The following ADAMTS12 variants were observed in gnomAD, a reference collection of about 807,000 sequenced individuals.
The protein encoded by ADAMTS12 is A disintegrin and metalloproteinase with thrombospondin motifs 12.
Under a neutral mutation model 167.8 loss-of-function variants are expected in ADAMTS12, and 118 were observed. The observed-to-expected ratio is 0.70, with a 90% CI of 0.61 to 0.82. ADAMTS12 has a LOEUF of 0.82. Among genes scored for constraint, ADAMTS12 ranks in the 40% least tolerant of loss-of-function variants. ADAMTS12 has a pLI of 0.00. For missense variants in ADAMTS12, 1,916 were observed against 1,998.8 expected (o/e 0.96, Z 0.79); for synonymous variants, 704 against 716.9 (o/e 0.98, Z 0.29).
chr5:33,711,266 T>C (rs1343094398), intron 3 of ADAMTS12, among the ~76,000 whole-genome samples: 1 of 152,144 alleles, frequency 6.6e-6, no homozygotes, highest in Admixed American at 6.6e-5. Context: ...CAAATTAACA[T>C]GGTGCTTTCC....
intron 3 of ADAMTS12, among the ~76,000 whole-genome samples, chr5:33,724,608 G>A (rs1308806831): frequency 6.6e-6 from 1 of 150,578 alleles, no homozygotes; most frequent in Non-Finnish European, 1.5e-5. Context: ...TTGGACTGCA[G>A]CGGCGCTATC....
intron 17 of ADAMTS12, among the ~76,000 whole-genome samples, chr5:33,590,012 T>G (rs1327363302): frequency 6.6e-6 from 1 of 152,222 alleles, no homozygotes; most frequent in East Asian, 1.9e-4. Context: ...CTTTGGTGTT[T>G]AACATCAGTG....
intron 2 of ADAMTS12, among the ~76,000 whole-genome samples, chr5:33,775,363 A>G (rs1343346708): frequency 6.6e-6 from 1 of 152,210 alleles, no homozygotes; most frequent in Non-Finnish European, 1.5e-5. Flanking sequence ...GAGAAAGCTC[A>G]GAAGAGAGGA....
At chr5:33,540,772 A>G (rs2060419415) in intron 22 of ADAMTS12, among the ~76,000 whole-genome samples, 1 of 152,238 alleles carries the variant, frequency 6.6e-6, no homozygotes, top group African/African-American at 2.4e-5. Flanking sequence ...TAACAAACAG[A>G]AAGGAATAGC....
At position 33,576,262 on chromosome 5, in the gene ADAMTS12, T is replaced by C. The variant is rs1746707808; in HGVS notation, c.3764A>G (p.His1255Arg). ...CGTCTTTCCTGAGGGTTCTGGCTGG[T>C]GGTCTCCTCCCAGAGGGAGCAGAGT... The part of the protein sequence containing the change: ...ANTLLPLGGD[H>R]QPEPSGKTAN... Residue 1255 changes from histidine (H) to arginine (R), a missense_variant, in exon 19 of 24, where the codon CAC becomes CGC. Coordinates refer to ENST00000504830, the MANE Select transcript of ADAMTS12 (RefSeq NM_030955.4). 1 of 1,614,202 alleles carries C rather than the reference T, an allele frequency of 6.2e-7. No homozygotes were observed. The highest frequency in any genetic ancestry group is 2.2e-5 in the East Asian group (1 of 44,884).
At chr5:33,782,855 T>C (rs1021844111) in intron 2 of ADAMTS12, among the ~76,000 whole-genome samples, 1 of 152,082 alleles carries the variant, frequency 6.6e-6, no homozygotes, top group African/African-American at 2.4e-5. Context: ...AATATCTCTC[T>C]TTTAGTACTT....
intron 2 of ADAMTS12, among the ~76,000 whole-genome samples, chr5:33,856,179 T>C (rs893585287): frequency 1.3e-5 from 2 of 152,212 alleles, no homozygotes; most frequent in Admixed American, 6.5e-5. Flanking sequence ...GGATAGAGAA[T>C]TGGTCAGGAC....
At position 33,724,893 on chromosome 5, in the gene ADAMTS12, T is replaced by G. The variant is rs144901454; in HGVS notation, c.634+26511A>C. On this transcript the variant is annotated intron_variant, in intron 3 of 23. Transcript: ENST00000504830. ...ATCCACTTATTTCAAGACTCTCACC[T>G]CGTTGAGCCAACCAATCCAAAGCTA... 2.6e-3 allele frequency among the ~76,000 whole-genome samples: 398 copies of G among 152,306 alleles called. 4 individuals carry two copies. Among genetic ancestry groups the G allele is most frequent in the African/African-American group, 9.0e-3 (375 of 41,558 alleles).
chr5:33,721,663 C>A (rs928369389), intron 3 of ADAMTS12, among the ~76,000 whole-genome samples: 2 of 152,220 alleles, frequency 1.3e-5, no homozygotes, highest in Non-Finnish European at 2.9e-5. Context: ...TTGCCCCGAG[C>A]CTTTCCTGCC....
chr5:33,616,235 C>A (rs1035644703), intron 14 of ADAMTS12, among the ~76,000 whole-genome samples, 163 bp from the exon 15 acceptor site: 1 of 152,152 alleles, frequency 6.6e-6, no homozygotes. Context: ...GGGGGATTTT[C>A]GAGAACTTGG....
chr5:33,537,410 G>A (rs1344866806), intron 22 of ADAMTS12, among the ~76,000 whole-genome samples: 1 of 152,192 alleles, frequency 6.6e-6, no homozygotes, highest in Non-Finnish European at 1.5e-5. Context: ...CCCTACTGGA[G>A]GCCTGTGAGT....
At chr5:33,762,079 C>A (rs530326558) in intron 2 of ADAMTS12, among the ~76,000 whole-genome samples, 134 of 152,242 alleles carry the variant, frequency 8.8e-4, no homozygotes, top group Admixed American at 3.7e-3. Context: ...GTAGTCCCAG[C>A]TACTCAGGAG....
intron 2 of ADAMTS12, among the ~76,000 whole-genome samples, chr5:33,777,890 A>G (rs775445578): frequency 1.3e-5 from 2 of 152,050 alleles, no homozygotes; most frequent in African/African-American, 4.8e-5. Flanking sequence ...ACAAAGAGCT[A>G]TCCCAAAAGA....
At chr5:33,627,732 G>A (rs1373540343) in intron 13 of ADAMTS12, among the ~76,000 whole-genome samples, 1 of 152,138 alleles carries the variant, frequency 6.6e-6, no homozygotes, top group Non-Finnish European at 1.5e-5. Flanking sequence ...TTGAGGGTCA[G>A]GAGATAGGAC....
At chr5:33,770,426 C>G (rs924317271) in intron 2 of ADAMTS12, among the ~76,000 whole-genome samples, 1 of 152,186 alleles carries the variant, frequency 6.6e-6, no homozygotes, top group Admixed American at 6.5e-5. Flanking sequence ...CGTGATTCAG[C>G]TCCTCCGAGG....
intron 2 of ADAMTS12, among the ~76,000 whole-genome samples, chr5:33,785,999 T>C (rs113208817): frequency 2.6e-5 from 4 of 152,316 alleles, no homozygotes; most frequent in African/African-American, 9.6e-5. Context: ...AGGAACAAAC[T>C]GTTGATAAAT....
intron 12 of ADAMTS12, among the ~76,000 whole-genome samples, chr5:33,633,565 G>C (rs1290224513): frequency 1.3e-5 from 2 of 152,024 alleles, no homozygotes; most frequent in African/African-American, 4.8e-5. Flanking sequence ...ATCCTAAATG[G>C]AAGGTTCAGT....
chr5:33,619,398 A>AT (rs370759202), intron 14 of ADAMTS12, among the ~76,000 whole-genome samples: 1 of 152,036 alleles, frequency 6.6e-6, no homozygotes, highest in Non-Finnish European at 1.5e-5. Context: ...CCTTTTTAGC[A>AT]TTTTTGCCCC....
chr5:33,747,623 T>C (rs1744836177), intron 3 of ADAMTS12, among the ~76,000 whole-genome samples: 2 of 152,302 alleles, frequency 1.3e-5, no homozygotes, highest in South Asian at 4.1e-4. Flanking sequence ...TAATGTATAA[T>C]AGTCCAAGCC....
Sources: allele counts gnomAD v4.1 joint callset (sites outside exome capture counted in the v4.1 genomes callset), GRCh38; gene constraint gnomAD v4.1.1; transcripts MANE v1.5; gene names NCBI Gene and HGNC (gene_info 2026-07-23, HGNC 2026-07-21).